Variants in MYPN observed in about 807,000 individuals in gnomAD.
MYPN encodes the protein myopalladin, also known as sarcomeric protein myopalladin, 145 kDa (MYOP).
In MYPN, 63 loss-of-function variants were observed where a neutral mutation model predicts 129.4. That is an observed-to-expected ratio of 0.49 (90% CI 0.40 to 0.60). The LOEUF is 0.60. Among genes scored for constraint, MYPN ranks in the 20% least tolerant of loss-of-function variants. The probability of loss-of-function intolerance (pLI) is 0.00; values close to 1 mark genes in which losing one functional copy is unlikely to be tolerated. For missense variants in MYPN, 1,596 were observed against 1,635.4 expected (o/e 0.98, Z 0.42); for synonymous variants, 629 against 600.9 (o/e 1.05, Z -0.68).
chr10:68,126,046 G>A (rs1388453717), intron 2 of MYPN, among the ~76,000 whole-genome samples: 3 of 152,154 alleles, frequency 2.0e-5, no homozygotes, highest in South Asian at 2.1e-4. Context: ...CATGATAAAG[G>A]AAGTGTTAAC....
chr10:68,167,549 TA>T (rs1250020198), intron 10 of MYPN, among the ~76,000 whole-genome samples: 9 of 151,578 alleles, frequency 5.9e-5, no homozygotes, highest in Non-Finnish European at 1.0e-4. Flanking sequence ...ATGATATTGC[TA>T]TTATTTCCTG....
At position 68,211,659 on chromosome 10, in the gene MYPN, C is replaced by T. The variant is rs1197993562; in HGVS notation, c.*1204C>T. The stretch of plus-strand genomic sequence containing the variant: ...ATATCCCTAGTACCTAGAAGAGTAC[C>T]TAGCACAAAGTAGACATTCAATAAA... On this transcript the variant is annotated 3_prime_UTR_variant, in exon 20 of 20. Transcript: ENST00000358913. The T allele has an allele frequency of 2.2e-6, 1 of 453,944 alleles. No homozygotes were observed. Among genetic ancestry groups the T allele is most frequent in the Non-Finnish European group, 4.4e-6 (1 of 226,790 alleles). 28.1% of individuals were successfully genotyped at this position (453,944 alleles called of 1,614,324 possible).
chr10:68,151,684 G>C (rs951038165), intron 6 of MYPN, among the ~76,000 whole-genome samples: 1 of 152,140 alleles, frequency 6.6e-6, no homozygotes, highest in Non-Finnish European at 1.5e-5. Context: ...TAAACCACAA[G>C]ATAGTTTATA....
At chr10:68,165,136 C>A (rs2043033024) in intron 8 of MYPN, among the ~76,000 whole-genome samples, 1 of 152,224 alleles carries the variant, frequency 6.6e-6, no homozygotes, top group South Asian at 2.1e-4. Flanking sequence ...AGAAGATTAT[C>A]TGAGAATCCT....
chr10:68,168,129 C>G (rs774331665), intron 10 of MYPN, among the ~76,000 whole-genome samples: 2 of 152,210 alleles, frequency 1.3e-5, no homozygotes. Flanking sequence ...GCCATGTCCC[C>G]ATTCCACATC....
At chr10:68,172,017 T>C (rs532209749) in intron 10 of MYPN, among the ~76,000 whole-genome samples, 3 of 152,336 alleles carry the variant, frequency 2.0e-5, no homozygotes, top group Admixed American at 2.0e-4. Context: ...TTCTTTTATA[T>C]TCCTTATAAT....
At chr10:68,185,521 G>C (rs1203423527) in intron 12 of MYPN, among the ~76,000 whole-genome samples, 1 of 152,042 alleles carries the variant, frequency 6.6e-6, no homozygotes, top group Admixed American at 6.6e-5. Flanking sequence ...TATGAGCACA[G>C]GCACCCAGTC....
chr10:68,104,016 G>T (rs2041994804), upstream of MYPN, among the ~76,000 whole-genome samples: 1 of 152,160 alleles, frequency 6.6e-6, no homozygotes, highest in Non-Finnish European at 1.5e-5. Flanking sequence ...CACTGGTTGG[G>T]TAACTTTGGG....
chr10:68,088,341 G>A (rs2041916145), intron 1 of MYPN, among the ~76,000 whole-genome samples: 1 of 152,138 alleles, frequency 6.6e-6, no homozygotes, highest in African/African-American at 2.4e-5. Flanking sequence ...GAGCCAAGAA[G>A]GAAAGATCAG....
intron 5 of MYPN, among the ~76,000 whole-genome samples, chr10:68,149,603 A>T (rs577501666): frequency 2.0e-5 from 3 of 152,238 alleles, no homozygotes; most frequent in South Asian, 4.1e-4. Context: ...CCAGCCTGAT[A>T]TATTTCTTTA....
intron 1 of MYPN, among the ~76,000 whole-genome samples, chr10:68,096,455 G>A (rs561764779): frequency 1.3e-5 from 2 of 152,228 alleles, no homozygotes; most frequent in South Asian, 2.1e-4. Context: ...CCAGCTACTC[G>A]GGAGACTGAG....
chr10:68,120,925 G>A (rs2042231542), intron 1 of MYPN, among the ~76,000 whole-genome samples: 6 of 151,986 alleles, frequency 3.9e-5, no homozygotes, highest in Admixed American at 3.9e-4. Context: ...TCAATTTCAG[G>A]GAAATTTCAT....
intron 1 of MYPN, 69 bp downstream of exon 1, chr10:68,109,792 T>C: frequency 7.3e-6 from 3 of 408,234 alleles, no homozygotes; most frequent in Non-Finnish European, 1.5e-5. Flanking sequence ...AAGCGAATAT[T>C]TCAAAGAACT....
At position 68,174,200 on chromosome 10, in the gene MYPN, T is replaced by C. The variant is rs2043188479; in HGVS notation, c.2108T>C (p.Val703Ala). The change falls in exon 11 of 20, where the codon GTG (valine) becomes GCG (alanine). Residue 703 changes from valine (V) to alanine (A), a missense_variant. Physicochemically the swap from Val to Ala is moderately conservative, Grantham distance 64. Transcript: ENST00000358913. ...TVLNSNAPPA[V>A]TTSSKQVKAP... is the part of the protein sequence containing the mutation. ...TTGAACTCCAATGCTCCCCCAGCGG[T>C]GACAACATCCAGTAAGCAGGTGAAG... 1.2e-6 allele frequency: 2 copies of C among 1,614,054 alleles called. No individual in the cohort carries two copies. The highest frequency in any genetic ancestry group is 1.7e-6 in the Non-Finnish European group (2 of 1,179,952).
chr10:68,172,520 C>T (rs946446785), intron 10 of MYPN, among the ~76,000 whole-genome samples: 1 of 152,168 alleles, frequency 6.6e-6, no homozygotes, highest in Non-Finnish European at 1.5e-5. Context: ...GATTTTAAGA[C>T]ATTTTTGTTG....
At position 68,166,540 on chromosome 10, in the gene MYPN, G is replaced by T. The variant is rs981858278; in HGVS notation, c.1847G>T (p.Gly616Val). 2 of 1,614,046 alleles carry T rather than the reference G, an allele frequency of 1.2e-6. No homozygotes were observed. Among genetic ancestry groups the T allele is most frequent in the African/African-American group, 2.7e-5 (2 of 74,902 alleles). ...DKGSEASSEA[G>V]VVTTRQTRPD... ...GGAAGTGAAGCATCCTCCGAGGCTG[G>T]TGTGGTGACCACCAGACAGACCAGG... Residue 616 changes from glycine (G) to valine (V), a missense_variant, in exon 10 of 20, where the codon GGT (glycine) becomes GTT (valine). Physicochemically the swap from Gly to Val is moderately radical, Grantham distance 109 (BLOSUM62 -3). Transcript: ENST00000358913.
intron 10 of MYPN, among the ~76,000 whole-genome samples, chr10:68,169,283 A>G (rs958817600): frequency 4.0e-4 from 60 of 149,520 alleles, no homozygotes; most frequent in African/African-American, 1.3e-3. Context: ...GCGTGAACCC[A>G]GGAGGTGGAG....
chr10:68,157,448 C>T (rs1300942705), intron 6 of MYPN, among the ~76,000 whole-genome samples: 1 of 152,068 alleles, frequency 6.6e-6, no homozygotes, highest in Admixed American at 6.6e-5. Context: ...TAATACATCA[C>T]TCCTATGTTG....
In MYPN at chr10:68,121,774, T is replaced by C. The variant is rs769858127; in HGVS notation, c.336T>C (p.Ser112=). 3.1e-6 allele frequency: 5 copies of C among 1,614,222 alleles called. No homozygotes were observed. In the Admixed American group the frequency reaches 6.7e-5, roughly 22 times the overall value. The change falls in exon 2 of 20, where the codon AGT becomes AGC. Residue 112 remains serine, a synonymous_variant. Transcript: ENST00000358913. ...PDQMKHSPNL[S]FEPNFCQDNP... The stretch of plus-strand genomic sequence containing the variant: ...AGATGAAACACTCACCTAATTTAAG[T>C]TTTGAGCCTAACTTCTGCCAGGATA...
Sources: gnomAD v4.1 joint callset for allele counts (sites outside exome capture counted in the v4.1 genomes callset) on GRCh38, gnomAD v4.1.1 for gene constraint, MANE v1.5 for transcripts, NCBI Gene and HGNC (gene_info 2026-07-23, HGNC 2026-07-21) for gene names.